The following CDH18 variants were observed in gnomAD, a reference collection of about 807,000 sequenced individuals.
CDH18 encodes cadherin 18, also known as cadherin-18.
CDH18 carries 31 observed loss-of-function variants against 67.9 expected under a neutral mutation model. The ratio of observed to expected loss-of-function variants is 0.46; its 90% CI spans 0.34 to 0.62. The LOEUF (loss-of-function observed/expected upper bound fraction) is 0.62. Among genes scored for constraint, CDH18 ranks in the 20% least tolerant of loss-of-function variants. The pLI is 0.01. For missense variants in CDH18, 890 were observed against 975.5 expected (o/e 0.91, Z 1.17); for synonymous variants, 362 against 347.2 (o/e 1.04, Z -0.48).
At chr5:19,989,425 C>T (rs1280655657), upstream of CDH18, among the ~76,000 whole-genome samples, 1 of 152,146 alleles carries the variant, frequency 6.6e-6, no homozygotes, top group African/African-American at 2.4e-5. Flanking sequence ...ATTCAAATCA[C>T]GGCTGGGACA....
chr5:19,795,329 G>A (rs1348248907), intron 3 of CDH18, among the ~76,000 whole-genome samples: 4 of 152,084 alleles, frequency 2.6e-5, no homozygotes, highest in African/African-American at 9.7e-5. Context: ...CTTGTCCAAG[G>A]ACTGTCCAAG....
rs547591199 is a variant in CDH18, at chr5:19,652,242, TTTA to T, written c.644-39644_644-39642del. On this transcript the variant is annotated intron_variant, in intron 5 of 12. Coordinates refer to ENST00000382275, the MANE Select transcript of CDH18 (RefSeq NM_004934.5). ...TTTTTATGTTATTAGGTGTGTCTAA[TTTA>T]TTATTATTTTTTACTATTGCTATGA... Among the ~76,000 whole-genome samples the T allele has an allele frequency of 7.2e-5, 11 of 152,224 alleles. 1 individual carries two copies. In the East Asian group the frequency reaches 2.1e-3, roughly 29 times the overall value.
intron 4 of CDH18, among the ~76,000 whole-genome samples, chr5:19,731,168 G>A (rs1767539343): frequency 6.6e-6 from 1 of 151,930 alleles, no homozygotes; most frequent in Non-Finnish European, 1.5e-5. Context: ...TGTCATCTTC[G>A]GCCAGGCGCA....
chr5:19,499,125 C>T (rs968267678), intron 11 of CDH18, among the ~76,000 whole-genome samples: 1 of 152,174 alleles, frequency 6.6e-6, no homozygotes, highest in Admixed American at 6.6e-5. Context: ...TGCCTGGAAA[C>T]ATGCTAAACT....
intron 1 of CDH18, among the ~76,000 whole-genome samples, chr5:20,416,144 T>G (rs1221425149): frequency 6.6e-6 from 1 of 152,148 alleles, no homozygotes; most frequent in East Asian, 1.9e-4. Flanking sequence ...AAGTGTTCTT[T>G]CTACAATAAA....
At chr5:19,980,276 T>C (rs1396220147) in intron 2 of CDH18, among the ~76,000 whole-genome samples, 1 of 152,082 alleles carries the variant, frequency 6.6e-6, no homozygotes, top group Non-Finnish European at 1.5e-5. Flanking sequence ...CAAGGAGAAC[T>C]ATAAAACACT....
At chr5:20,391,129 T>C (rs1022516277) in intron 1 of CDH18, among the ~76,000 whole-genome samples, 2 of 151,796 alleles carry the variant, frequency 1.3e-5, no homozygotes, top group African/African-American at 4.8e-5. Context: ...AAACTTAAAG[T>C]ATAATAAAAA....
At chr5:19,678,893 T>C (rs1388051566) in intron 5 of CDH18, among the ~76,000 whole-genome samples, 1 of 152,016 alleles carries the variant, frequency 6.6e-6, no homozygotes, top group Non-Finnish European at 1.5e-5. Context: ...TTACCATTCC[T>C]ACTGAAAGTA....
intron 2 of CDH18, among the ~76,000 whole-genome samples, chr5:20,017,586 T>A (rs1737989651): frequency 6.6e-6 from 1 of 152,216 alleles, no homozygotes; most frequent in African/African-American, 2.4e-5. Flanking sequence ...TATATACCTT[T>A]AGTATTTCTG....
intron 1 of CDH18, among the ~76,000 whole-genome samples, chr5:20,395,358 C>T (rs952579039): frequency 1.3e-5 from 2 of 152,120 alleles, no homozygotes; most frequent in African/African-American, 4.8e-5. Flanking sequence ...CCAAATACCA[C>T]GTGTTCCCAC....
chr5:20,405,931 C>A (rs1162316883), intron 1 of CDH18, among the ~76,000 whole-genome samples: 1 of 152,122 alleles, frequency 6.6e-6, no homozygotes, highest in Admixed American at 6.5e-5. Flanking sequence ...AGTCAGGAAA[C>A]AACAGGTGCT....
At chr5:19,575,991 G>A (rs1561384048) in intron 7 of CDH18, among the ~76,000 whole-genome samples, 1 of 152,186 alleles carries the variant, frequency 6.6e-6, no homozygotes, top group East Asian at 1.9e-4. Flanking sequence ...TTTCTTCCAG[G>A]GGAAACATAG....
chr5:19,694,090 C>T (rs530788209), intron 5 of CDH18, among the ~76,000 whole-genome samples: 31 of 152,182 alleles, frequency 2.0e-4, no homozygotes, highest in African/African-American at 4.8e-4. Flanking sequence ...AAAAAACAGA[C>T]GCACAAACAG....
intron 1 of CDH18, among the ~76,000 whole-genome samples, chr5:20,388,175 C>T (rs1258706717): frequency 1.3e-5 from 2 of 152,212 alleles, no homozygotes; most frequent in African/African-American, 4.8e-5. Flanking sequence ...TGGTAGAATT[C>T]GGCTGTGAAT....
chr5:20,447,107 T>A (rs1750062488), intron 1 of CDH18, among the ~76,000 whole-genome samples: 1 of 152,156 alleles, frequency 6.6e-6, no homozygotes, highest in Non-Finnish European at 1.5e-5. Flanking sequence ...TCCTTTGAAT[T>A]TTTCCCCATT....
chr5:19,993,047 C>A (rs1227666315), upstream of CDH18, among the ~76,000 whole-genome samples: 2 of 152,132 alleles, frequency 1.3e-5, no homozygotes, highest in Admixed American at 6.6e-5. Flanking sequence ...TTATCAATAC[C>A]ATTAACACCA....
At chr5:20,503,240 CTT>C (rs11348870) in intron 1 of CDH18, among the ~76,000 whole-genome samples, 20 of 146,340 alleles carry the variant, frequency 1.4e-4, no homozygotes, top group African/African-American at 2.8e-4. Flanking sequence ...CTTTTTATTT[CTT>C]TTTTTTTTTA....
chr5:20,105,875 C>T (rs1306294458), intron 2 of CDH18, among the ~76,000 whole-genome samples: 1 of 152,094 alleles, frequency 6.6e-6, no homozygotes, highest in East Asian at 1.9e-4. Flanking sequence ...TTGCAATGAA[C>T]ATTGGTGGAA....
chr5:19,963,455 C>T (rs1258534330), intron 2 of CDH18, among the ~76,000 whole-genome samples: 2 of 152,036 alleles, frequency 1.3e-5, no homozygotes, highest in African/African-American at 2.4e-5. Context: ...TGGGAGGGAT[C>T]TGGTGGGAGG....
Sources: gnomAD v4.1 joint callset for allele counts (sites outside exome capture counted in the v4.1 genomes callset) on GRCh38, gnomAD v4.1.1 for gene constraint, MANE v1.5 for transcripts, NCBI Gene and HGNC (gene_info 2026-07-23, HGNC 2026-07-21) for gene names.